PLOD2: variants seen among roughly 807,000 people sequenced by gnomAD.
PLOD2 encodes lysine hydroxylase 2.
A neutral mutation model predicts 101.0 loss-of-function variants in PLOD2; 65 were observed. That is an observed-to-expected ratio of 0.64 (90% CI 0.53 to 0.79). The LOEUF is 0.79. PLOD2 is among the 30% of genes least tolerant of loss of function. The pLI, the probability that PLOD2 is intolerant of heterozygous loss-of-function variation, is 0.00. For missense variants in PLOD2, 909 were observed against 914.6 expected (o/e 0.99, Z 0.08); for synonymous variants, 314 against 302.9 (o/e 1.04, Z -0.38).
In PLOD2 at chr3:146,121,260, A is replaced by C; in HGVS notation, c.202-12T>G. ...CCTTGACCAAGGACCTATAAACAAA[A>C]TCAACATTTCATTCCTGAGCAAAAC... On this transcript the variant is annotated splice_polypyrimidine_tract_variant and intron_variant, in intron 2 of 19. Transcript: ENST00000282903. 1 of 1,610,704 alleles carries C rather than the reference A, an allele frequency of 6.2e-7. No individual in the cohort carries two copies. The highest frequency in any genetic ancestry group is 8.5e-7 in the Non-Finnish European group (1 of 1,177,338).
At chr3:146,154,174 C>G (rs1372601395) in intron 1 of PLOD2, among the ~76,000 whole-genome samples, 4 of 152,164 alleles carry the variant, frequency 2.6e-5, no homozygotes, top group Non-Finnish European at 5.9e-5. Context: ...AGTAGCCCCT[C>G]ATTTTAGCCA....
At position 146,071,160 on chromosome 3, in the gene PLOD2, G is replaced by A. The variant is rs747959261; in HGVS notation, c.2003C>T (p.Ala668Val). Residue 668 changes from alanine to valine, a missense_variant, in exon 19 of 20, where the codon GCA (alanine) becomes GTA (valine). Transcript: ENST00000282903. ...GTATTTTACTACAAAATTCAGTAGTGCAAATCCCTGAAAAAGCAAAGTAAG... is the reference window on the plus strand; with the variant it reads ...GTATTTTACTACAAAATTCAGTAGTACAAATCCCTGAAAAAGCAAAGTAAG... ...VFAGYYTKGF[A>V]LLNFVVKYSP... 1 of 1,610,958 alleles carries A rather than the reference G, an allele frequency of 6.2e-7. No individual in the cohort carries two copies. The highest frequency in any genetic ancestry group is 8.5e-7 in the Non-Finnish European group (1 of 1,178,188).
chr3:146,085,172 T>C lies in PLOD2; in HGVS notation c.1229A>G (p.Asn410Ser). 2.1e-6 allele frequency: 3 copies of C among 1,416,182 alleles called. No homozygotes were observed. Among genetic ancestry groups the C allele is most frequent in the African/African-American group, 1.4e-5 (1 of 71,062 alleles). The allele number at this position is 1,416,182 out of a possible 1,614,324, so 87.7% of individuals were successfully genotyped here. A position where few individuals can be genotyped will look rare whatever the true frequency, so the allele number is the denominator to read the frequency against. ...PRTLKILIEQNRKIIAPLVTR... is the reference protein window; with the variant it reads ...PRTLKILIEQSRKIIAPLVTR... ...GATATCGAATTTTAGAAAGTACCTG[T>C]TTTGTTCAATCAAAATTTTTAAAGT... Residue 410 changes from asparagine (N) to serine (S), a missense_variant, in exon 11 of 20, where the codon AAC becomes AGC. By Grantham distance (46) the Asn-to-Ser change is conservative. Transcript: ENST00000282903.
chr3:146,077,868 G>C lies in PLOD2; in HGVS notation c.1557C>G (p.Pro519=). Residue 519 remains proline, a synonymous_variant, in exon 14 of 20, where the codon CCC becomes CCG. Transcript: ENST00000282903. The part of the protein sequence containing the change: ...PTPETFQMLS[P]PKGVFMYISN... ...AAATAAGTAAAAATAACACCTTTGG[G>C]GGGCTGAGCATTTGGAATGTTTCCG... 2 of 1,578,558 alleles carry C rather than the reference G, an allele frequency of 1.3e-6. No homozygotes were observed. The highest frequency in any genetic ancestry group is 1.7e-6 in the Non-Finnish European group (2 of 1,150,374).
At chr3:146,114,071 G>A (rs1042025116) in intron 3 of PLOD2, among the ~76,000 whole-genome samples, 2 of 152,138 alleles carry the variant, frequency 1.3e-5, no homozygotes, top group Admixed American at 6.5e-5. Flanking sequence ...CTATTAGGAC[G>A]AGGAAATTCC....
chr3:146,116,184 C>A (rs76223280), intron 3 of PLOD2, among the ~76,000 whole-genome samples: 82 of 152,078 alleles, frequency 5.4e-4, no homozygotes, highest in African/African-American at 1.9e-3. Flanking sequence ...TAATTAACAT[C>A]ACAAACCAAT....
chr3:146,131,906 G>C (rs1004827372), intron 1 of PLOD2, among the ~76,000 whole-genome samples: 6 of 148,486 alleles, frequency 4.0e-5, no homozygotes, highest in African/African-American at 1.5e-4. Flanking sequence ...TTCCTCAAGA[G>C]TAATTCACGT....
At chr3:146,094,775 TAA>T (rs1293341910) in intron 7 of PLOD2, among the ~76,000 whole-genome samples, 1 of 151,794 alleles carries the variant, frequency 6.6e-6, no homozygotes, top group Non-Finnish European at 1.5e-5. Context: ...CAATCCTAAG[TAA>T]AAAGAACAAA....
intron 12 of PLOD2, among the ~76,000 whole-genome samples, chr3:146,081,311 T>A (rs1049239959): frequency 6.6e-6 from 1 of 152,128 alleles, no homozygotes; most frequent in South Asian, 2.1e-4. Context: ...ACTCATGCAA[T>A]CAGGAATACT....
At position 146,079,214 on chromosome 3, in the gene PLOD2, T is replaced by C; in HGVS notation, c.1402A>G (p.Lys468Glu). ...VPYMANVYLI[K>E]GKTLRSEMNE... ...ATCTCTGATCGGAGTGTCTTTCCTT[T>C]AATTAAGTACACATTAGCCATATAT... The change falls in exon 13 of 20, where the codon AAA becomes GAA. Residue 468 changes from lysine to glutamate, a missense_variant. Physicochemically the swap from Lys to Glu is moderately conservative, Grantham distance 56. Coordinates refer to ENST00000282903, the MANE Select transcript of PLOD2 (RefSeq NM_182943.3). 2 of 1,610,304 alleles carry C rather than the reference T, an allele frequency of 1.2e-6. No individual in the cohort carries two copies. Among genetic ancestry groups the C allele is most frequent in the South Asian group, 2.2e-5 (2 of 90,996 alleles).
In PLOD2 at chr3:146,076,839, A is replaced by T. The variant is rs1184613555; in HGVS notation, c.1620T>A (p.Ala540=). The T allele has an allele frequency of 1.3e-6, 2 of 1,593,566 alleles. No homozygotes were observed. The highest frequency in any genetic ancestry group is 2.2e-5 in the East Asian group (1 of 44,602). ...TGTTATAATGGGAAGTATTGTAATTAGCAGTGGATAATAGCCTTCCAAATT... is the reference window on the plus strand; with the variant it reads ...TGTTATAATGGGAAGTATTGTAATTTGCAGTGGATAATAGCCTTCCAAATT... ...RHEFGRLLST[A]NYNTSHYNND... The change falls in exon 15 of 20, where the codon GCT becomes GCA. Residue 540 remains alanine (A), a synonymous_variant. Transcript: ENST00000282903.
At chr3:146,125,438 T>C (rs939655245) in intron 1 of PLOD2, among the ~76,000 whole-genome samples, 4 of 152,116 alleles carry the variant, frequency 2.6e-5, no homozygotes, top group African/African-American at 7.2e-5. Flanking sequence ...CATTCTTAGA[T>C]TTTTTTCTAA....
chr3:146,142,674 T>A (rs2031578559), intron 1 of PLOD2, among the ~76,000 whole-genome samples: 1 of 152,146 alleles, frequency 6.6e-6, no homozygotes, highest in African/African-American at 2.4e-5. Context: ...TTCTTGCCCT[T>A]AAACAAAGTT....
chr3:146,103,863 ACACACT>A (rs1375058382), intron 6 of PLOD2, among the ~76,000 whole-genome samples: 56 of 109,074 alleles, frequency 5.1e-4, no homozygotes, highest in African/African-American at 1.6e-3. Context: ...ACACACACAC[ACACACT>A]CTTCCCCAGT....
At chr3:146,076,056 C>G (rs938366780) in intron 15 of PLOD2, 10 of 151,618 alleles carry the variant, frequency 6.6e-5, no homozygotes, top group African/African-American at 2.2e-4. Context: ...GTAGTGAGCA[C>G]AGTACCCATT....
At chr3:146,121,009 C>T in intron 3 of PLOD2, 103 bp downstream of exon 3, 1 of 942,254 alleles carries the variant, frequency 1.1e-6, no homozygotes, top group Non-Finnish European at 1.7e-6. Flanking sequence ...GCGTGAGCCA[C>T]CGTGCCCAAC....
intron 1 of PLOD2, among the ~76,000 whole-genome samples, chr3:146,146,682 T>C (rs2031796541): frequency 6.6e-6 from 1 of 152,180 alleles, no homozygotes; most frequent in South Asian, 2.1e-4. Context: ...TGGAAGCCTA[T>C]TTCTGAATTC....
At chr3:146,150,482 T>A (rs997949104) in intron 1 of PLOD2, among the ~76,000 whole-genome samples, 1 of 151,560 alleles carries the variant, frequency 6.6e-6, no homozygotes, top group African/African-American at 2.4e-5. Context: ...GGAACAGAAA[T>A]CCAAATACCG....
chr3:146,074,660 C>A (rs1302825975), intron 15 of PLOD2, among the ~76,000 whole-genome samples: 1 of 150,944 alleles, frequency 6.6e-6, no homozygotes, highest in Non-Finnish European at 1.5e-5. Context: ...AGAACTTTTA[C>A]CTATAGCATT....
Sources: gnomAD v4.1 joint callset for allele counts (sites outside exome capture counted in the v4.1 genomes callset) on GRCh38, gnomAD v4.1.1 for gene constraint, MANE v1.5 for transcripts, NCBI Gene and HGNC (gene_info 2026-07-23, HGNC 2026-07-21) for gene names.